MAST4: variants seen among roughly 807,000 people sequenced by gnomAD.
The protein encoded by MAST4 is microtubule associated serine/threonine kinase family member 4, also known as microtubule-associated serine/threonine-protein kinase 4.
MAST4 carries 89 observed loss-of-function variants against 162.7 expected under a neutral mutation model. The observed-to-expected ratio is 0.55, with a 90% CI of 0.46 to 0.65. MAST4 has a LOEUF of 0.65. MAST4 is among the 30% of genes least tolerant of loss of function. The pLI, the probability that MAST4 is intolerant of heterozygous loss-of-function variation, is 0.00. For missense variants in MAST4, 3,153 were observed against 3,374.0 expected, an observed-to-expected ratio of 0.93 and a Z score of 1.62; for synonymous variants, 1,479 against 1,361.1, an observed-to-expected ratio of 1.09 and a Z score of -1.91.
chr5:66,761,256 C>A (rs1753837295), intron 2 of MAST4, among the ~76,000 whole-genome samples: 1 of 152,092 alleles, frequency 6.6e-6, no homozygotes, highest in South Asian at 2.1e-4. Context: ...TTTTAAATTT[C>A]ATTGTTAAAA....
At chr5:66,967,368 T>A (rs140698901) in intron 4 of MAST4, among the ~76,000 whole-genome samples, 9 of 152,274 alleles carry the variant, frequency 5.9e-5, no homozygotes, top group African/African-American at 1.4e-4. Context: ...TTCCTGAAGG[T>A]TGGCCAGAAA....
intron 1 of MAST4, among the ~76,000 whole-genome samples, chr5:66,638,114 G>C (rs556918525): frequency 1.3e-5 from 2 of 151,908 alleles, no homozygotes; most frequent in African/African-American, 4.8e-5. Flanking sequence ...TCTAATCACC[G>C]TTAGGAACCT....
At chr5:66,881,442 C>T (rs1312325464) in intron 3 of MAST4, among the ~76,000 whole-genome samples, 1 of 152,216 alleles carries the variant, frequency 6.6e-6, no homozygotes, top group Non-Finnish European at 1.5e-5. Flanking sequence ...CAGTCCATTT[C>T]TCTTTCCTAA....
intron 1 of MAST4, among the ~76,000 whole-genome samples, chr5:66,622,185 G>A (rs2149408299): frequency 6.6e-6 from 1 of 152,178 alleles, no homozygotes; most frequent in Middle Eastern, 3.4e-3. Flanking sequence ...TTCCGTGAAA[G>A]TGACTTGTGT....
intron 1 of MAST4, among the ~76,000 whole-genome samples, chr5:66,597,687 G>A (rs1742287759): frequency 6.6e-6 from 1 of 152,172 alleles, no homozygotes; most frequent in African/African-American, 2.4e-5. Context: ...AGTACAGATC[G>A]TCTTACCTTT....
intron 1 of MAST4, among the ~76,000 whole-genome samples, chr5:66,753,059 C>T (rs1329565744): frequency 6.6e-6 from 1 of 150,526 alleles, no homozygotes; most frequent in African/African-American, 2.4e-5. Context: ...CTACTGGGTA[C>T]ATAACGAAAT....
At chr5:66,626,363 C>T (rs565619319) in intron 1 of MAST4, among the ~76,000 whole-genome samples, 5 of 152,230 alleles carry the variant, frequency 3.3e-5, no homozygotes, top group South Asian at 2.1e-4. Context: ...ACACAGTTTT[C>T]ATGTTCACAA....
intron 4 of MAST4, among the ~76,000 whole-genome samples, chr5:67,020,669 A>G (rs1753861359): frequency 6.6e-6 from 1 of 152,186 alleles, no homozygotes; most frequent in East Asian, 1.9e-4. Flanking sequence ...TTGGATTTGG[A>G]CAGAAGGTTG....
intron 26 of MAST4, among the ~76,000 whole-genome samples, chr5:67,155,021 G>A (rs1460877107): frequency 6.6e-5 from 10 of 152,132 alleles, no homozygotes; most frequent in Admixed American, 5.9e-4. Context: ...AGGACTTTAC[G>A]GAATGTCATG....
At chr5:67,106,023 AG>A (rs1765558691) in intron 10 of MAST4, among the ~76,000 whole-genome samples, 1 of 152,192 alleles carries the variant, frequency 6.6e-6, no homozygotes, top group African/African-American at 2.4e-5. Flanking sequence ...TGTATTCAGC[AG>A]TGTTAAAACC....
intron 1 of MAST4, among the ~76,000 whole-genome samples, chr5:66,742,583 G>A (rs1298601040): frequency 1.3e-5 from 2 of 152,152 alleles, no homozygotes; most frequent in African/African-American, 4.8e-5. Flanking sequence ...GAAGACTCAA[G>A]GGACTCTTGA....
chr5:67,089,614 G>A (rs1042289928), intron 5 of MAST4, among the ~76,000 whole-genome samples: 1 of 152,204 alleles, frequency 6.6e-6, no homozygotes, highest in African/African-American at 2.4e-5. Context: ...CCAAACTGCT[G>A]TGGTCTTCCC....
At chr5:66,905,072 A>G (rs258035) in intron 4 of MAST4, among the ~76,000 whole-genome samples, 76,498 of 151,844 alleles carry the variant, frequency 0.5, 19,595 homozygotes, top group Middle Eastern at 0.55. Flanking sequence ...TTGGGAGGCC[A>G]AGGCAGGTGG....
intron 3 of MAST4, among the ~76,000 whole-genome samples, chr5:66,803,610 CCTT>C (rs1756030320): frequency 6.6e-6 from 1 of 151,964 alleles, no homozygotes; most frequent in Admixed American, 6.6e-5. Context: ...TTTTTAATAA[CCTT>C]AATATCCTTT....
Position 67,110,125 on chromosome 5 carries a change from T to C in MAST4, c.1384T>C (p.Leu462=), listed in dbSNP as rs1269131686. The C allele has an allele frequency of 1.2e-6, 2 of 1,613,570 alleles. No homozygotes were observed. Among genetic ancestry groups the C allele is most frequent in the Admixed American group, 1.7e-5 (1 of 60,012 alleles). The change falls in exon 11 of 29, where the codon TTG becomes CTG. Residue 462 remains leucine (L), a synonymous_variant. Transcript: ENST00000403625. The part of the protein sequence containing the change: ...EAHDRSESGE[L]AFIKQLVRKI... ...TCATGATCGTTCAGAAAGTGGAGAA[T>C]TGGCATTTATTAAACAACTAGTTCG...
At chr5:66,716,823 G>GT (rs1275348501) in intron 1 of MAST4, among the ~76,000 whole-genome samples, 1 of 152,136 alleles carries the variant, frequency 6.6e-6, no homozygotes, top group Non-Finnish European at 1.5e-5. Flanking sequence ...ATTAACCATT[G>GT]TAGTAGAGTA....
Position 67,164,972 on chromosome 5 carries a change from C to T in MAST4, c.5793C>T (p.His1931=). 1 of 1,613,960 alleles carries T rather than the reference C, an allele frequency of 6.2e-7. No individual in the cohort carries two copies. The highest frequency in any genetic ancestry group is 8.5e-7 in the Non-Finnish European group (1 of 1,179,868). ...REGSSPKHQD[H]TTDPKLLTCL... Reference sequence around the variant, plus strand: ...GCAGCTCCCCTAAACACCAAGACCACACCACTGACCCCAAGCTTCTGACCT... The same window carrying T: ...GCAGCTCCCCTAAACACCAAGACCATACCACTGACCCCAAGCTTCTGACCT... The change falls in exon 29 of 29, where the codon CAC becomes CAT. Residue 1931 remains histidine, a synonymous_variant. Transcript: ENST00000403625. The surrounding 1 kb of genome is among the most constrained non-coding windows in gnomAD (Gnocchi z 5.3).
chr5:66,721,905 G>C (rs1751234276), intron 1 of MAST4, among the ~76,000 whole-genome samples: 1 of 151,790 alleles, frequency 6.6e-6, no homozygotes, highest in Non-Finnish European at 1.5e-5. Flanking sequence ...AGGCTATTGG[G>C]CAACTCTTTT....
intron 8 of MAST4, among the ~76,000 whole-genome samples, chr5:67,100,893 G>C (rs1764949517): frequency 6.6e-6 from 1 of 152,200 alleles, no homozygotes; most frequent in African/African-American, 2.4e-5. Flanking sequence ...AGCAGTTAAT[G>C]TTGTTATGTT....
Sources: gnomAD v4.1 joint callset for allele counts (sites outside exome capture counted in the v4.1 genomes callset) on GRCh38, gnomAD v4.1.1 for gene constraint, Gnocchi (gnomAD v3.1) non-coding constraint, MANE v1.5 for transcripts, NCBI Gene and HGNC (gene_info 2026-07-23, HGNC 2026-07-21) for gene names.